The following SLC20A2 variants were observed in gnomAD, a reference collection of about 807,000 sequenced individuals.
The protein encoded by SLC20A2 is sodium-dependent phosphate transporter 2.
SLC20A2 carries 30 observed loss-of-function variants against 61.0 expected under a neutral mutation model. The ratio of observed to expected loss-of-function variants is 0.49; its 90% CI spans 0.37 to 0.67. The LOEUF (loss-of-function observed/expected upper bound fraction) is 0.67, where lower values mean the gene tolerates loss of function less well. Ranked by LOEUF, SLC20A2 falls within the 30% of genes least tolerant of loss-of-function variation. The pLI is 0.00. For synonymous variants in SLC20A2, 351 were observed against 353.3 expected, an observed-to-expected ratio of 0.99 and a Z score of 0.07; for missense variants, 626 against 866.4, an observed-to-expected ratio of 0.72 and a Z score of 3.48.
chr8:42,439,533 G>T lies in SLC20A2; in HGVS notation c.851C>A (p.Thr284Asn). The change falls in exon 7 of 11, where the codon ACC (threonine) becomes AAC (asparagine). Residue 284 changes from threonine to asparagine, a missense_variant. By Grantham distance (65) the Thr-to-Asn change is moderately conservative. Coordinates refer to ENST00000520262, the MANE Select transcript of SLC20A2 (RefSeq NM_001257180.2). ...LPGAKANDDSTIPLTGAAGET... is the reference protein window; with the variant it reads ...LPGAKANDDSNIPLTGAAGET... ...CCCTGCTGCTCCCGTGAGCGGGATGGTGCTGTCATCATTAGCCTTGGCACC... is the reference window on the plus strand; with the variant it reads ...CCCTGCTGCTCCCGTGAGCGGGATGTTGCTGTCATCATTAGCCTTGGCACC... 1.2e-6 allele frequency: 2 copies of T among 1,614,206 alleles called. No homozygotes were observed. Among genetic ancestry groups the T allele is most frequent in the South Asian group, 2.2e-5 (2 of 91,086 alleles).
chr8:42,470,639 A>G (rs1206337371), intron 2 of SLC20A2, among the ~76,000 whole-genome samples: 10 of 152,158 alleles, frequency 6.6e-5, no homozygotes, highest in Non-Finnish European at 1.5e-4. Context: ...AGATTGGGCC[A>G]TTGTGAACTT....
At chr8:42,526,456 T>G (rs201183701) in intron 1 of SLC20A2, among the ~76,000 whole-genome samples, 31 of 151,752 alleles carry the variant, frequency 2.0e-4, no homozygotes, top group Non-Finnish European at 2.5e-4. Flanking sequence ...GGCGGATCAC[T>G]AGGTCAGGAG....
chr8:42,427,562 G>T (rs950143094), intron 10 of SLC20A2, among the ~76,000 whole-genome samples: 2 of 152,202 alleles, frequency 1.3e-5, no homozygotes, highest in Non-Finnish European at 2.9e-5. Context: ...TCAGTAAGTG[G>T]GGGGATTTGT....
intron 1 of SLC20A2, among the ~76,000 whole-genome samples, chr8:42,515,105 T>C (rs1811251836): frequency 6.6e-6 from 1 of 152,222 alleles, no homozygotes; most frequent in South Asian, 2.1e-4. Context: ...CAGATTGATA[T>C]CACATCTGTT....
In SLC20A2 at chr8:42,482,765, C is replaced by T. The variant is rs1234717990; in HGVS notation, c.-264-10111G>A. ...ATTTGGCTGGGCACGATGGCTTATGCCTGTAATCCCAGCACTTTGGGAGCC... is the reference window on the plus strand; with the variant it reads ...ATTTGGCTGGGCACGATGGCTTATGTCTGTAATCCCAGCACTTTGGGAGCC... On this transcript the variant is annotated intron_variant, in intron 1 of 10. Coordinates refer to ENST00000520262, the MANE Select transcript of SLC20A2 (RefSeq NM_001257180.2). 3.9e-5 allele frequency among the ~76,000 whole-genome samples: 6 copies of T among 151,994 alleles called. No homozygotes were observed. The South Asian group carries it at 8.3e-4, about 21-fold the overall frequency.
rs193072787 is a variant in SLC20A2 at position 42,493,068 on chromosome 8, C to T, written c.-265+7963G>A. ...TTCAGCCTCAATGCCCAAAGGAAAC[C>T]TAGTGACAAATGCCATTTTGCTCCA... On this transcript the variant is annotated intron_variant, in intron 1 of 10. Transcript: ENST00000520262. Among the ~76,000 whole-genome samples, 91 of 152,268 alleles carry T rather than the reference C, an allele frequency of 6.0e-4. No homozygotes were observed. In the East Asian group the frequency reaches 0.017, roughly 29 times the overall value.
At chr8:42,443,305 A>ATT (rs1804945297) in intron 6 of SLC20A2, among the ~76,000 whole-genome samples, 7 of 122,070 alleles carry the variant, frequency 5.7e-5, no homozygotes, top group African/African-American at 1.8e-4. Flanking sequence ...ATATATATAT[A>ATT]TATAATAAAA....
At chr8:42,526,677 A>AC (rs1811978126) in intron 1 of SLC20A2, among the ~76,000 whole-genome samples, 1 of 151,556 alleles carries the variant, frequency 6.6e-6, no homozygotes, top group Non-Finnish European at 1.5e-5. Flanking sequence ...TGTCTCAAAA[A>AC]AAAAAAAAGA....
intron 6 of SLC20A2, among the ~76,000 whole-genome samples, chr8:42,442,003 G>A (rs1029051466): frequency 2.0e-5 from 3 of 151,128 alleles, no homozygotes; most frequent in Non-Finnish European, 2.9e-5. Flanking sequence ...GCACAATCTC[G>A]GCTCAATGCA....
intron 6 of SLC20A2, among the ~76,000 whole-genome samples, chr8:42,441,997 A>G (rs145881020): frequency 0.023 from 3,381 of 148,668 alleles, 70 homozygotes; most frequent in Middle Eastern, 0.038. Context: ...GCAATGGCAC[A>G]ATCTCGGCTC....
chr8:42,494,270 T>A (rs780640073), intron 1 of SLC20A2, among the ~76,000 whole-genome samples: 7 of 152,214 alleles, frequency 4.6e-5, no homozygotes, highest in Non-Finnish European at 8.8e-5. Context: ...ACTAGCTTTA[T>A]CAGTTGGACT....
At chr8:42,468,818 G>GAGCC in intron 2 of SLC20A2, among the ~76,000 whole-genome samples, 1 of 152,262 alleles carries the variant, frequency 6.6e-6, no homozygotes, top group East Asian at 1.9e-4. Flanking sequence ...GGGTTTCGAG[G>GAGCC]AGCTGGCTCG....
At chr8:42,517,965 G>A (rs971440700) in intron 1 of SLC20A2, among the ~76,000 whole-genome samples, 15 of 152,114 alleles carry the variant, frequency 9.9e-5, no homozygotes, top group African/African-American at 1.2e-4. Flanking sequence ...TTTTGAGACC[G>A]AGTCTTGTTC....
chr8:42,530,939 C>A (rs530079146), intron 1 of SLC20A2, among the ~76,000 whole-genome samples: 2 of 152,232 alleles, frequency 1.3e-5, no homozygotes, highest in South Asian at 4.1e-4. Context: ...AGGCTGGTCT[C>A]GAACTCCTGA....
chr8:42,451,366 TG>T (rs1805626151), intron 5 of SLC20A2, among the ~76,000 whole-genome samples: 1 of 94,994 alleles, frequency 1.1e-5, no homozygotes, highest in African/African-American at 4.3e-5. Flanking sequence ...GAGGAAGAGA[TG>T]GAAGAGGAAG....
intron 1 of SLC20A2, among the ~76,000 whole-genome samples, chr8:42,494,902 A>G (rs760091321): frequency 1.3e-5 from 2 of 152,082 alleles, no homozygotes; most frequent in Non-Finnish European, 2.9e-5. Context: ...GCTGGAGTGC[A>G]ACGGTGCGAT....
intron 1 of SLC20A2, among the ~76,000 whole-genome samples, chr8:42,523,525 C>T (rs1746865955): frequency 1.3e-5 from 2 of 151,976 alleles, no homozygotes; most frequent in African/African-American, 4.8e-5. Flanking sequence ...AAGTGAAACC[C>T]CAAGAAAAGA....
chr8:42,441,463 TTTTG>T (rs1020970078), intron 6 of SLC20A2, among the ~76,000 whole-genome samples: 21 of 151,230 alleles, frequency 1.4e-4, no homozygotes, highest in South Asian at 4.2e-4. Context: ...ATTTTGTTCT[TTTTG>T]TTTGTTTGTT....
At chr8:42,531,164 A>G (rs1008365434) in intron 1 of SLC20A2, among the ~76,000 whole-genome samples, 6 of 152,212 alleles carry the variant, frequency 3.9e-5, no homozygotes, top group Admixed American at 3.3e-4. Context: ...TACCTTATTC[A>G]TCTCTATAGT....
Sources: gnomAD v4.1 joint callset for allele counts (sites outside exome capture counted in the v4.1 genomes callset) on GRCh38, gnomAD v4.1.1 for gene constraint, MANE v1.5 for transcripts, NCBI Gene and HGNC (gene_info 2026-07-23, HGNC 2026-07-21) for gene names.